Variants in CEP85L observed in about 807,000 individuals in gnomAD.
CEP85L encodes centrosomal protein 85L, also known as centrosomal protein of 85 kDa-like.
CEP85L carries 60 observed loss-of-function variants against 100.3 expected under a neutral mutation model. The ratio of observed to expected loss-of-function variants is 0.60; its 90% CI spans 0.49 to 0.74. CEP85L has a LOEUF of 0.74. Among genes scored for constraint, CEP85L ranks in the 30% least tolerant of loss-of-function variants. CEP85L has a pLI of 0.00. For synonymous variants in CEP85L, 319 were observed against 322.7 expected (o/e 0.99, Z 0.12); for missense variants, 973 against 936.2 (o/e 1.04, Z -0.51).
intron 2 of CEP85L, among the ~76,000 whole-genome samples, chr6:118,580,419 G>A (rs1402008981): frequency 6.6e-6 from 1 of 152,122 alleles, no homozygotes; most frequent in African/African-American, 2.4e-5. Flanking sequence ...ATCATTCTGA[G>A]GTGCTCTTGG....
At chr6:118,493,666 T>C (rs1329339526) in intron 5 of CEP85L, among the ~76,000 whole-genome samples, 1 of 152,194 alleles carries the variant, frequency 6.6e-6, no homozygotes, top group Non-Finnish European at 1.5e-5. Context: ...AAAATAAATG[T>C]TAAAGATAAC....
chr6:118,542,232 A>C (rs1039232181), intron 3 of CEP85L, among the ~76,000 whole-genome samples: 1 of 152,204 alleles, frequency 6.6e-6, no homozygotes, highest in African/African-American at 2.4e-5. Context: ...ACAGCACACA[A>C]AAATGCCCAA....
chr6:118,461,586 A>G lies in CEP85L; in HGVS notation c.*3819T>C. 1 of 152,052 alleles carries G rather than the reference A, an allele frequency of 6.6e-6. No homozygotes were observed. The highest frequency in any genetic ancestry group is 2.1e-4 in the South Asian group (1 of 4,830). The allele number at this position is 152,052 out of a possible 1,614,324, so 9.4% of individuals were successfully genotyped here. A position where few individuals can be genotyped will look rare whatever the true frequency, so the allele number is the denominator to read the frequency against. ...ATTAGACTTGCTGATTTAAAACTATATTCTTATATTTAGCACTTTTTTAAA... is the reference window on the plus strand; with the variant it reads ...ATTAGACTTGCTGATTTAAAACTATGTTCTTATATTTAGCACTTTTTTAAA... On this transcript the variant is annotated 3_prime_UTR_variant, in exon 13 of 13. Coordinates refer to ENST00000368491, the MANE Select transcript of CEP85L (RefSeq NM_001042475.3).
rs1425053177 is a variant in CEP85L at position 118,543,766 on chromosome 6, AT to A, written c.1021-19847del. ...CAGATCAGGAACGATGTTTTATGTAATTCTGTAAAGAGTGGGTTTTTCATCT... is the reference window on the plus strand; with the variant it reads ...CAGATCAGGAACGATGTTTTATGTAATCTGTAAAGAGTGGGTTTTTCATCT... On this transcript the variant is annotated intron_variant, in intron 3 of 12. Coordinates refer to ENST00000368491, the MANE Select transcript of CEP85L (RefSeq NM_001042475.3). Among the ~76,000 whole-genome samples the A allele has an allele frequency of 8.5e-5, 13 of 152,364 alleles. No homozygotes were observed. In the South Asian group the frequency reaches 2.7e-3, roughly 32 times the overall value.
chr6:118,513,693 ATC>A (rs1283998415), intron 4 of CEP85L, among the ~76,000 whole-genome samples: 1 of 152,138 alleles, frequency 6.6e-6, no homozygotes, highest in South Asian at 2.1e-4. Flanking sequence ...TTAAATAAAG[ATC>A]TTTTTTGGAA....
In CEP85L at chr6:118,678,467, C is replaced by A. The variant is rs139506685; in HGVS notation, c.-27-25659G>T. On this transcript the variant is annotated intron_variant, in intron 1 of 13. Coordinates refer to the CEP85L transcript ENST00000368488. ...GCACATCAGAAAATCCACCAGCCAC[C>A]GTATATTTGTCTACCTCTACACATC... Among the ~76,000 whole-genome samples, 39 of 152,272 alleles carry A rather than the reference C, an allele frequency of 2.6e-4. 1 individual carries two copies. The East Asian group carries it at 6.0e-3, about 23-fold the overall frequency.
chr6:118,629,344 C>T (rs1773996946), intron 2 of CEP85L, among the ~76,000 whole-genome samples: 1 of 152,198 alleles, frequency 6.6e-6, no homozygotes, highest in Non-Finnish European at 1.5e-5. Context: ...AGAAAACTAA[C>T]AACCCAATTA....
At chr6:118,590,433 G>A (rs1781120161) in intron 2 of CEP85L, among the ~76,000 whole-genome samples, 1 of 152,138 alleles carries the variant, frequency 6.6e-6, no homozygotes, top group South Asian at 2.1e-4. Flanking sequence ...GTCACCACAA[G>A]TGCCTAGCAT....
intron 1 of CEP85L, among the ~76,000 whole-genome samples, chr6:118,686,194 ATG>A (rs1302628195): frequency 8.6e-6 from 1 of 116,750 alleles, no homozygotes; most frequent in African/African-American, 3.8e-5. Context: ...GTAGCAACAC[ATG>A]TTTTTTTTTT....
chr6:118,629,712 A>G (rs1336945550), intron 2 of CEP85L, among the ~76,000 whole-genome samples: 1 of 152,228 alleles, frequency 6.6e-6, no homozygotes, highest in African/African-American at 2.4e-5. Context: ...GTATTTAGGC[A>G]AGAGAGTTGG....
intron 2 of CEP85L, among the ~76,000 whole-genome samples, chr6:118,608,672 A>G (rs1241203449): frequency 6.6e-6 from 1 of 152,224 alleles, no homozygotes; most frequent in Non-Finnish European, 1.5e-5. Flanking sequence ...TGCTGTCTTT[A>G]TATCATGTAT....
At chr6:118,503,252 T>A (rs1313866484) in intron 5 of CEP85L, among the ~76,000 whole-genome samples, 1 of 152,214 alleles carries the variant, frequency 6.6e-6, no homozygotes, top group Non-Finnish European at 1.5e-5. Context: ...AAGATCTATA[T>A]GAAGACAACT....
Position 118,651,240 on chromosome 6 carries a change from G to A in CEP85L, c.30C>T (p.Ala10=), listed in dbSNP as rs1281696923. ...CTCCGCCGGGGCTATCCCGGCCGCT[G>A]GCCTCCGGAGCCAGGAAGCGCCCCC... MWGRFLAPE[A]SGRDSPGGAR... The change falls in exon 1 of 13, where the codon GCC becomes GCT. Residue 10 remains alanine, a synonymous_variant. Coordinates refer to ENST00000368491, the MANE Select transcript of CEP85L (RefSeq NM_001042475.3). 11 of 1,494,292 alleles carry A rather than the reference G, an allele frequency of 7.4e-6. No homozygotes were observed. The South Asian group carries it at 1.3e-4, about 17-fold the overall frequency. The allele number at this position is 1,494,292 out of a possible 1,614,324, so 92.6% of individuals were successfully genotyped here. A position where few individuals can be genotyped will look rare whatever the true frequency, so the allele number is the denominator to read the frequency against.
chr6:118,546,415 ATTCTATT>A (rs1163345208), intron 3 of CEP85L, among the ~76,000 whole-genome samples: 1 of 152,034 alleles, frequency 6.6e-6, no homozygotes, highest in Non-Finnish European at 1.5e-5. Flanking sequence ...AGTATTACTA[ATTCTATT>A]TTCTTAGAAT....
Position 118,461,654 on chromosome 6 carries a change from T to C in CEP85L, c.*3751A>G, listed in dbSNP as rs978165855. ...AATCTTTCCCATACATGATTAAATA[T>C]ATGATATAATCATATGGCAATATGC... On this transcript the variant is annotated 3_prime_UTR_variant, in exon 13 of 13. Transcript: ENST00000368491. The C allele has an allele frequency of 6.6e-6, 1 of 152,082 alleles. No homozygotes were observed. Among genetic ancestry groups the C allele is most frequent in the Non-Finnish European group, 1.5e-5 (1 of 67,942 alleles). 9.4% of individuals were successfully genotyped at this position (152,082 alleles called of 1,614,324 possible). A position where few individuals can be genotyped will look rare whatever the true frequency, so the allele number is the denominator to read the frequency against.
intron 1 of CEP85L, among the ~76,000 whole-genome samples, chr6:118,709,002 C>T (rs957422342): frequency 6.6e-6 from 1 of 152,094 alleles, no homozygotes; most frequent in African/African-American, 2.4e-5. Flanking sequence ...GCAAACAAAA[C>T]AGGCAGTTCA....
At chr6:118,629,419 A>G (rs1171631857) in intron 2 of CEP85L, among the ~76,000 whole-genome samples, 1 of 152,244 alleles carries the variant, frequency 6.6e-6, no homozygotes, top group Non-Finnish European at 1.5e-5. Flanking sequence ...GCAGCAAACA[A>G]GCATATGAAA....
intron 3 of CEP85L, among the ~76,000 whole-genome samples, chr6:118,530,039 TAAATAA>T (rs1014530383): frequency 3.3e-4 from 50 of 152,130 alleles, no homozygotes; most frequent in African/African-American, 1.2e-3. Context: ...AAAAAATCAT[TAAATAA>T]AAATAAAGTT....
chr6:118,466,030 G>A (rs1772492509), intron 12 of CEP85L, among the ~76,000 whole-genome samples: 1 of 152,068 alleles, frequency 6.6e-6, no homozygotes, highest in Non-Finnish European at 1.5e-5. Flanking sequence ...CACACACAGA[G>A]GGAGAGCGGG....
Sources: gnomAD v4.1 joint callset for allele counts (sites outside exome capture counted in the v4.1 genomes callset) on GRCh38, gnomAD v4.1.1 for gene constraint, MANE v1.5 for transcripts, NCBI Gene and HGNC (gene_info 2026-07-23, HGNC 2026-07-21) for gene names.